ADK: variants seen among roughly 807,000 people sequenced by gnomAD.
ADK encodes adenosine kinase.
ADK carries 24 observed loss-of-function variants against 44.7 expected under a neutral mutation model. The observed-to-expected ratio is 0.54, with a 90% confidence interval of 0.39 to 0.76. The LOEUF is 0.76. Ranked by LOEUF, ADK falls within the 30% of genes least tolerant of loss-of-function variation. The pLI is 0.00. For synonymous variants in ADK, 128 were observed against 142.6 expected (o/e 0.90, Z 0.73); for missense variants, 321 against 425.1 (o/e 0.76, Z 2.15).
intron 10 of ADK, among the ~76,000 whole-genome samples, chr10:74,689,232 G>C (rs1224910437): frequency 1.3e-5 from 2 of 151,916 alleles, no homozygotes; most frequent in Non-Finnish European, 2.9e-5. Context: ...CTGGGTGGCA[G>C]AGCAAGACTC....
intron 4 of ADK, among the ~76,000 whole-genome samples, chr10:74,342,890 G>A (rs1164784344): frequency 6.6e-6 from 1 of 151,408 alleles, no homozygotes; most frequent in Admixed American, 6.6e-5. Context: ...GGTTCTTTAT[G>A]ATTTTCTATA....
At chr10:74,208,850 C>T (rs529859884) in intron 2 of ADK, among the ~76,000 whole-genome samples, 2 of 152,120 alleles carry the variant, frequency 1.3e-5, no homozygotes, top group Non-Finnish European at 2.9e-5. Context: ...GATCCTCTTG[C>T]CTCAGCTTCC....
chr10:74,702,530 T>TCCTA (rs1323744445), intron 10 of ADK, among the ~76,000 whole-genome samples: 12 of 142,500 alleles, frequency 8.4e-5, no homozygotes, highest in Non-Finnish European at 1.7e-4. Flanking sequence ...CTTCTTTCCT[T>TCCTA]CCTTCCTTCC....
chr10:74,328,101 G>A (rs1360181001), intron 4 of ADK, among the ~76,000 whole-genome samples: 1 of 152,104 alleles, frequency 6.6e-6, no homozygotes, highest in African/African-American at 2.4e-5. Context: ...TAGAGACGGG[G>A]TTTCACCATG....
chr10:74,643,777 A>G (rs1554892021), intron 9 of ADK, among the ~76,000 whole-genome samples: 1 of 152,178 alleles, frequency 6.6e-6, no homozygotes, highest in Non-Finnish European at 1.5e-5. Flanking sequence ...TTGGCACACT[A>G]TATTTATCTT....
At chr10:74,281,961 T>A (rs1381732654) in intron 3 of ADK, among the ~76,000 whole-genome samples, 1 of 152,240 alleles carries the variant, frequency 6.6e-6, no homozygotes, top group Non-Finnish European at 1.5e-5. Flanking sequence ...CTCCTAGGAC[T>A]GATTAAAGAG....
chr10:74,497,671 A>T (rs968141369), intron 6 of ADK, among the ~76,000 whole-genome samples: 3 of 152,160 alleles, frequency 2.0e-5, no homozygotes, highest in African/African-American at 7.2e-5. Flanking sequence ...GCTATGTTTT[A>T]AAAAAATAAA....
intron 2 of ADK, among the ~76,000 whole-genome samples, chr10:74,205,790 T>C (rs1843575221): frequency 6.6e-6 from 1 of 152,102 alleles, no homozygotes; most frequent in African/African-American, 2.4e-5. Flanking sequence ...GAAAAACCTT[T>C]TGACAAAATC....
intron 4 of ADK, among the ~76,000 whole-genome samples, chr10:74,339,959 A>G (rs942711899): frequency 6.6e-6 from 1 of 152,124 alleles, no homozygotes; most frequent in African/African-American, 2.4e-5. Flanking sequence ...TTTCTTTATA[A>G]TACTTCTATA....
intron 6 of ADK, among the ~76,000 whole-genome samples, chr10:74,408,611 CA>C (rs1844046408): frequency 1.3e-5 from 2 of 152,258 alleles, no homozygotes; most frequent in Admixed American, 1.3e-4. Flanking sequence ...TTTACCTCCT[CA>C]AAAACTTAAC....
chr10:74,560,421 T>A (rs1464184872), intron 7 of ADK, among the ~76,000 whole-genome samples: 1 of 152,208 alleles, frequency 6.6e-6, no homozygotes, highest in Non-Finnish European at 1.5e-5. Flanking sequence ...GTACCAAGTA[T>A]CTTAGATGAT....
intron 10 of ADK, among the ~76,000 whole-genome samples, chr10:74,685,794 T>C (rs1283115615): frequency 6.6e-6 from 1 of 152,108 alleles, no homozygotes; most frequent in African/African-American, 2.4e-5. Flanking sequence ...CAGTATATAG[T>C]AGGGTAGCCA....
At chr10:74,199,778 C>G (rs1843308286) in intron 1 of ADK, among the ~76,000 whole-genome samples, 1 of 152,092 alleles carries the variant, frequency 6.6e-6, no homozygotes, top group African/African-American at 2.4e-5. Flanking sequence ...CTCCTGGGTT[C>G]AAGTGATTCT....
intron 4 of ADK, among the ~76,000 whole-genome samples, chr10:74,361,239 A>G (rs944833111): frequency 6.6e-6 from 1 of 152,140 alleles, no homozygotes; most frequent in Non-Finnish European, 1.5e-5. Context: ...TAGTTCATTT[A>G]TATTCAGTAT....
intron 4 of ADK, among the ~76,000 whole-genome samples, chr10:74,324,353 T>C (rs11000993): frequency 0.16 from 24,355 of 152,150 alleles, 2,263 homozygotes; most frequent in African/African-American, 0.26. Flanking sequence ...CAAAAACTTA[T>C]TCATGTATGT....
At chr10:74,356,941 C>T (rs372358301) in intron 4 of ADK, among the ~76,000 whole-genome samples, 2 of 152,152 alleles carry the variant, frequency 1.3e-5, no homozygotes, top group East Asian at 1.9e-4. Context: ...CCTTCTCTTC[C>T]CCTTCCCAGA....
intron 1 of ADK, among the ~76,000 whole-genome samples, chr10:74,166,122 T>C (rs1842028216): frequency 1.3e-5 from 2 of 152,118 alleles, no homozygotes; most frequent in Non-Finnish European, 2.9e-5. Flanking sequence ...GTATTTTTAG[T>C]AGAGACGGGG....
At chr10:74,161,957 G>A (rs568519710) in intron 1 of ADK, among the ~76,000 whole-genome samples, 3 of 151,790 alleles carry the variant, frequency 2.0e-5, no homozygotes, top group African/African-American at 7.3e-5. Context: ...CTCCTGCCTC[G>A]GCCTCCTAAA....
intron 3 of ADK, among the ~76,000 whole-genome samples, chr10:74,233,799 T>A (rs1259580124): frequency 6.6e-6 from 1 of 152,202 alleles, no homozygotes; most frequent in African/African-American, 2.4e-5. Context: ...AGCTTCTGAA[T>A]TTCTAGCATA....
Sources: allele counts gnomAD v4.1 joint callset (sites outside exome capture counted in the v4.1 genomes callset), GRCh38; gene constraint gnomAD v4.1.1; transcripts MANE v1.5; gene names NCBI Gene and HGNC (gene_info 2026-07-23, HGNC 2026-07-21).